Variants in ARFRP1 observed in about 807,000 individuals in gnomAD.
The protein encoded by ARFRP1 is ARF related protein 1, also known as ADP-ribosylation factor-related protein 1.
Under a neutral mutation model 30.3 loss-of-function variants are expected in ARFRP1, and 19 were observed. The ratio of observed to expected loss-of-function variants is 0.63; its 90% CI spans 0.44 to 0.92. The LOEUF (loss-of-function observed/expected upper bound fraction) is 0.92, where lower values mean the gene tolerates loss of function less well. ARFRP1 is among the 40% of genes least tolerant of loss of function. ARFRP1 has a pLI of 0.00. For missense variants in ARFRP1, 245 were observed against 267.5 expected, an observed-to-expected ratio of 0.92 and a Z score of 0.59; for synonymous variants, 133 against 114.2, an observed-to-expected ratio of 1.16 and a Z score of -1.05.
At chr20:63,701,396 G>C (rs1568751068) in intron 6 of ARFRP1, 3 of 534,106 alleles carry the variant, frequency 5.6e-6, no homozygotes, top group Non-Finnish European at 1.1e-5. Context: ...GAGGGGTCTT[G>C]AGGGGCTGCC....
intron 6 of ARFRP1, chr20:63,701,265 G>A: frequency 2.0e-6 from 1 of 509,422 alleles, no homozygotes; most frequent in Non-Finnish European, 3.9e-6. Context: ...CCACCCCAGA[G>A]AAGGCAGGAA....
chr20:63,706,848 T>C (rs1310791358), intron 2 of ARFRP1, 110 bp from the exon 3 acceptor site: 19 of 1,275,488 alleles, frequency 1.5e-5, no homozygotes, highest in Non-Finnish European at 2.2e-5. Context: ...AGAGCAACAC[T>C]CTGCTCTTCA....
At chr20:63,707,121 T>G (rs765015965) in intron 1 of ARFRP1, 24 bp from the exon 2 acceptor site, 9 of 1,575,344 alleles carry the variant, frequency 5.7e-6, no homozygotes, top group African/African-American at 4.1e-5. Flanking sequence ...CATAGGTCAG[T>G]GTGCAGCCAG....
At chr20:63,706,016 T>C (rs1362846584) in intron 4 of ARFRP1, 1 of 356,034 alleles carries the variant, frequency 2.8e-6, no homozygotes, top group Non-Finnish European at 5.5e-6. Flanking sequence ...CTCTCACTGG[T>C]CACCTGAGGA....
intron 4 of ARFRP1, 128 bp downstream of exon 4, chr20:63,706,229 G>A: frequency 1.1e-6 from 1 of 875,990 alleles, no homozygotes; most frequent in South Asian, 1.5e-5. Context: ...ACCTGGGACA[G>A]GACCAGAGAG....
In ARFRP1 at chr20:63,700,692, G is replaced by C. The variant is rs751595682; in HGVS notation, c.428C>G (p.Ser143Ter). The change falls in exon 7 of 8, where the codon TCA (serine) becomes TGA (stop). Residue 143 changes from serine to a stop codon, truncating the protein, a stop_gained. Transcript: ENST00000622789. LOFTEE classifies it high-confidence loss of function. ...ANKQDVETCL[S>*]IPDIKTAFSD... is the part of the protein sequence containing the mutation. ...GAAGGCCGTCTTGATGTCAGGGATTGAGAGGCACGTCTGGGGGAGGTAAGG... is the reference window on the plus strand; with the variant it reads ...GAAGGCCGTCTTGATGTCAGGGATTCAGAGGCACGTCTGGGGGAGGTAAGG... 2 of 1,610,794 alleles carry C rather than the reference G, an allele frequency of 1.2e-6. No homozygotes were observed. The highest frequency in any genetic ancestry group is 1.7e-6 in the Non-Finnish European group (2 of 1,179,870).
chr20:63,707,509 C>A (rs902204811), intron 1 of ARFRP1: 13 of 167,372 alleles, frequency 7.8e-5, no homozygotes, highest in Non-Finnish European at 1.7e-4. Context: ...GCGCCCCACC[C>A]GGGAGCAGCG....
At chr20:63,707,366 C>T in intron 1 of ARFRP1, 1 of 394,134 alleles carries the variant, frequency 2.5e-6, no homozygotes, top group Non-Finnish European at 4.7e-6. Flanking sequence ...ACTACCCAGC[C>T]GGGTGTTCAC....
rs796944492 is a variant in ARFRP1 at position 63,700,183 on chromosome 20, C to T, written c.*260G>A. On this transcript the variant is annotated 3_prime_UTR_variant, in exon 8 of 8. Coordinates refer to ENST00000622789, the MANE Select transcript of ARFRP1 (RefSeq NM_001267547.3). ...CCCTCAGACCCCCCAGAAAGGGCCT[C>T]GAAAGGCCGCCGCTGCGCCCTGTGG... is the stretch of plus-strand genomic sequence containing the variant. The T allele has an allele frequency of 1.5e-4, 76 of 505,910 alleles. No homozygotes were observed. The highest frequency in any genetic ancestry group is 1.1e-3 in the African/African-American group (57 of 51,722). 31.3% of individuals were successfully genotyped at this position (505,910 alleles called of 1,614,324 possible). A position where few individuals can be genotyped will look rare whatever the true frequency, so the allele number is the denominator to read the frequency against.
At chr20:63,702,067 A>C in intron 5 of ARFRP1, 69 bp downstream of exon 5, 10 of 1,470,028 alleles carry the variant, frequency 6.8e-6, no homozygotes, top group Non-Finnish European at 8.3e-6. Flanking sequence ...CCCCAGGCAC[A>C]GAGCTGCCCA....
chr20:63,701,996 C>A, intron 5 of ARFRP1, 96 bp from the exon 6 acceptor site: 4 of 981,774 alleles, frequency 4.1e-6, no homozygotes, highest in Non-Finnish European at 5.7e-6. Context: ...GCCACTCCCT[C>A]TGCCCCCCCC....
At chr20:63,705,573 G>C in intron 4 of ARFRP1, 1 of 491,068 alleles carries the variant, frequency 2.0e-6, no homozygotes, top group South Asian at 1.5e-5. Context: ...GCCGCTGTGA[G>C]ACCCTGAGGA....
In ARFRP1 at chr20:63,701,895, CCTT is replaced by C. The variant is rs1313304125; in HGVS notation, c.349_351del (p.Lys117del). 1 of 1,550,022 alleles carries C rather than the reference CCTT, an allele frequency of 6.5e-7. No individual in the cohort carries two copies. The highest frequency in any genetic ancestry group is 8.7e-7 in the Non-Finnish European group (1 of 1,146,908). ...CCGCACAGCGCCTCGCTGGTCACCA[CCTT>C]CTCTGGGGAGGGCAGGAGAGGCAGC... On this transcript the variant is annotated inframe_deletion and splice_region_variant, in exon 6 of 8. Transcript: ENST00000622789.
Position 63,699,044 on chromosome 20 carries a change from C to T in ARFRP1, c.*1399G>A, listed in dbSNP as rs538000881. Reference sequence around the variant, plus strand: ...CCGAGAGGGGACCTGCCAAAGACCTCCTCCAGGCCTCCCATGCTTTCCGGG... The same window carrying T: ...CCGAGAGGGGACCTGCCAAAGACCTTCTCCAGGCCTCCCATGCTTTCCGGG... On this transcript the variant is annotated 3_prime_UTR_variant, in exon 8 of 8. Coordinates refer to ENST00000622789, the MANE Select transcript of ARFRP1 (RefSeq NM_001267547.3). The T allele has an allele frequency of 1.7e-3, 264 of 152,954 alleles. 1 individual carries two copies. The highest frequency in any genetic ancestry group is 6.1e-3 in the African/African-American group (252 of 41,580). 9.5% of individuals were successfully genotyped at this position (152,954 alleles called of 1,614,324 possible). A position where few individuals can be genotyped will look rare whatever the true frequency, so the allele number is the denominator to read the frequency against.
In ARFRP1 at chr20:63,698,844, T is replaced by C; in HGVS notation, c.*1599A>G. ...GAGGATCAGTGGGGAGTGCCACCTCTGCCCCCAGTGGCTGTGGCACGTGGC... is the reference window on the plus strand; with the variant it reads ...GAGGATCAGTGGGGAGTGCCACCTCCGCCCCCAGTGGCTGTGGCACGTGGC... On this transcript the variant is annotated 3_prime_UTR_variant, in exon 8 of 8. Transcript: ENST00000622789. 1 of 308,290 alleles carries C rather than the reference T, an allele frequency of 3.2e-6. No homozygotes were observed. Among genetic ancestry groups the C allele is most frequent in the Non-Finnish European group, 5.9e-6 (1 of 170,010 alleles). The allele number at this position is 308,290 out of a possible 1,614,324, so 19.1% of individuals were successfully genotyped here.
At chr20:63,706,488 C>A in intron 3 of ARFRP1, 49 bp from the exon 4 acceptor site, 1 of 1,581,322 alleles carries the variant, frequency 6.3e-7, no homozygotes. Flanking sequence ...GTCCTCGACA[C>A]ACCCAGTCCC....
chr20:63,706,854 C>T, intron 2 of ARFRP1, 116 bp from the exon 3 acceptor site: 1 of 1,262,454 alleles, frequency 7.9e-7, no homozygotes, highest in Non-Finnish European at 1.2e-6. Flanking sequence ...ACACTCTGCT[C>T]TTCAGGAGGC....
Position 63,707,282 on chromosome 20 carries a change from C to G in ARFRP1, c.-6-185G>C. ...GTAACTTCTCCCAGGTCAGCCGCCACTGTGTCCTGCTCACAGCAATGACTG... is the reference window on the plus strand; with the variant it reads ...GTAACTTCTCCCAGGTCAGCCGCCAGTGTGTCCTGCTCACAGCAATGACTG... On this transcript the variant is annotated intron_variant, in intron 1 of 7. Coordinates refer to ENST00000622789, the MANE Select transcript of ARFRP1 (RefSeq NM_001267547.3). 7 of 600,856 alleles carry G rather than the reference C, an allele frequency of 1.2e-5. No homozygotes were observed. In the South Asian group the frequency reaches 1.4e-4, roughly 12 times the overall value. 37.2% of individuals were successfully genotyped at this position (600,856 alleles called of 1,614,324 possible). A position where few individuals can be genotyped will look rare whatever the true frequency, so the allele number is the denominator to read the frequency against.
intron 4 of ARFRP1, chr20:63,703,458 CAGGCGCCCTCCAGGGTTCTGCAGGTAGCG>C (rs1050616569): frequency 2.0e-5 from 3 of 152,256 alleles, no homozygotes; most frequent in African/African-American, 7.3e-5. Flanking sequence ...GGCCCAAGGC[CAGGCGCCCTCCAGGGTTCTGCAGGTAGCG>C]AGGCCCCCCC....
Sources: allele counts gnomAD v4.1 joint callset, GRCh38; gene constraint gnomAD v4.1.1; transcripts MANE v1.5; gene names NCBI Gene and HGNC (gene_info 2026-07-23, HGNC 2026-07-21).